Variants in STRADA observed in about 807,000 individuals in gnomAD.
The protein encoded by STRADA is STE20-related kinase adapter protein alpha.
A neutral mutation model predicts 55.0 loss-of-function variants in STRADA; 26 were observed. The ratio of observed to expected loss-of-function variants is 0.47; its 90% confidence interval spans 0.35 to 0.66. The LOEUF (loss-of-function observed/expected upper bound fraction) is 0.66. STRADA is among the 30% of genes least tolerant of loss of function. STRADA has a pLI of 0.01. For missense variants in STRADA, 443 were observed against 549.7 expected, an observed-to-expected ratio of 0.81 and a Z score of 1.94; for synonymous variants, 197 against 210.9, an observed-to-expected ratio of 0.93 and a Z score of 0.57.
In STRADA at chr17:63,726,959, T is replaced by G. The variant is rs570083858; in HGVS notation, c.37-264A>C. 3.8e-4 allele frequency: 185 copies of G among 481,168 alleles called. 1 individual carries two copies. The highest frequency in any genetic ancestry group is 2.7e-3 in the Middle Eastern group (5 of 1,842). The allele number at this position is 481,168 out of a possible 1,614,324, so 29.8% of individuals were successfully genotyped here. On this transcript the variant is annotated intron_variant, in intron 2 of 12. Coordinates refer to ENST00000336174, the MANE Select transcript of STRADA (RefSeq NM_001003787.4). ...TAGTACTGGCTGTAATAATGAAGAC[T>G]GTTTTTGCCTTCCCTATATTGGTTC...
intron 2 of STRADA, 86 bp downstream of exon 2, chr17:63,728,246 CGT>C: frequency 7.6e-7 from 1 of 1,318,308 alleles, no homozygotes; most frequent in Non-Finnish European, 1.1e-6. Context: ...CCGACCCTCA[CGT>C]AGAAAACCAC....
At position 63,710,476 on chromosome 17, in the gene STRADA, C is replaced by G; in HGVS notation, c.581+15G>C. 6.2e-7 allele frequency: 1 copy of G among 1,612,754 alleles called. No individual in the cohort carries two copies. Among genetic ancestry groups the G allele is most frequent in the Non-Finnish European group, 8.5e-7 (1 of 1,179,794 alleles). The stretch of plus-strand genomic sequence containing the variant: ...TACCCACTGTAATCATGGGAAAGGC[C>G]GCCTAAGAACGCACCTGTGTACATA... On this transcript the variant is annotated intron_variant, in intron 8 of 12. Transcript: ENST00000336174.
At chr17:63,727,460 CTTAA>C (rs1254155670) in intron 2 of STRADA, 1 of 152,106 alleles carries the variant, frequency 6.6e-6, no homozygotes, top group East Asian at 1.9e-4. Flanking sequence ...CTTTTTTCCT[CTTAA>C]TTAACAGTGA....
chr17:63,728,050 C>G, intron 2 of STRADA: 1 of 332,080 alleles, frequency 3.0e-6, no homozygotes, highest in Non-Finnish European at 5.5e-6. Context: ...TTAAAAGTAT[C>G]ATCGACTCAT....
rs2036682142 is a variant in STRADA, at chr17:63,714,009, T to C, written c.223A>G (p.Ile75Val). 3 of 1,613,496 alleles carry C rather than the reference T, an allele frequency of 1.9e-6. No homozygotes were observed. The highest frequency in any genetic ancestry group is 2.5e-6 in the Non-Finnish European group (3 of 1,179,538). The change falls in exon 5 of 13, where the codon ATA (isoleucine) becomes GTA (valine). Residue 75 changes from isoleucine (I) to valine (V), a missense_variant. Ile to Val is a conservative substitution (Grantham distance 29). Transcript: ENST00000336174. Reference protein sequence around the residue: ...EGGCYELLTVIGKGFEDLMTV... With the variant: ...EGGCYELLTVVGKGFEDLMTV... ...TAAGGACGGCCCCTGCACATACCTA[T>C]CACAGTGAGCAGCTCGTAACACCCT...
At chr17:63,721,410 A>G (rs2144061079) in intron 4 of STRADA, among the ~76,000 whole-genome samples, 1 of 84,552 alleles carries the variant, frequency 1.2e-5, no homozygotes, top group East Asian at 2.8e-4. Context: ...GTGAAGCTCC[A>G]TCTCAAAAAA....
In STRADA at chr17:63,707,495, C is replaced by T. The variant is rs934515267; in HGVS notation, c.582-77G>A. The T allele has an allele frequency of 9.2e-6, 13 of 1,411,716 alleles. No homozygotes were observed. The African/African-American group carries it at 1.3e-4, about 14-fold the overall frequency. The allele number at this position is 1,411,716 out of a possible 1,614,324, so 87.4% of individuals were successfully genotyped here. On this transcript the variant is annotated intron_variant, in intron 8 of 12. Coordinates refer to ENST00000336174, the MANE Select transcript of STRADA (RefSeq NM_001003787.4). ...AAATTTTTGGTCTTCACACACTCCA[C>T]CTGGCCAGCTCTCTCCTGTGTGCGT...
intron 6 of STRADA, among the ~76,000 whole-genome samples, chr17:63,711,376 G>A (rs534191161): frequency 5.1e-4 from 77 of 151,894 alleles, no homozygotes; most frequent in Non-Finnish European, 4.4e-4. Context: ...TTTGAGACAG[G>A]GTCTTGCTCT....
At chr17:63,714,682 G>A (rs755470742) in intron 4 of STRADA, 12 of 175,146 alleles carry the variant, frequency 6.9e-5, no homozygotes, top group Non-Finnish European at 1.5e-4. Flanking sequence ...TGCAGGCAAG[G>A]CACAGAGCTG....
intron 1 of STRADA, among the ~76,000 whole-genome samples, chr17:63,731,044 A>G (rs2038007793): frequency 6.6e-6 from 1 of 151,836 alleles, no homozygotes; most frequent in African/African-American, 2.4e-5. Context: ...CCCAGGTTCC[A>G]GCGATTCTCC....
chr17:63,711,802 G>GT (rs1233396870), intron 6 of STRADA, among the ~76,000 whole-genome samples: 1 of 152,116 alleles, frequency 6.6e-6, no homozygotes, highest in African/African-American at 2.4e-5. Context: ...GAGCATGGTG[G>GT]TGCATGCCTT....
intron 1 of STRADA, among the ~76,000 whole-genome samples, chr17:63,739,206 G>C (rs1246614527): frequency 6.6e-6 from 1 of 150,434 alleles, no homozygotes; most frequent in Non-Finnish European, 1.5e-5. Context: ...AGATGAGACT[G>C]GTATTTTTCT....
chr17:63,728,401 C>A lies in STRADA; in HGVS notation c.-32G>T. On this transcript the variant is annotated 5_prime_UTR_variant, in exon 2 of 13. Transcript: ENST00000336174. ...CTACTGTGTAGGCCTACTTCAGTTT[C>A]AAAAACTTAAACCTAAAAGGAAAAT... 6.3e-7 allele frequency: 1 copy of A among 1,582,792 alleles called. No individual in the cohort carries two copies. The highest frequency in any genetic ancestry group is 8.6e-7 in the Non-Finnish European group (1 of 1,165,596).
chr17:63,705,269 C>A, intron 10 of STRADA: 1 of 334,242 alleles, frequency 3.0e-6, no homozygotes, highest in South Asian at 3.8e-5. Context: ...AATTCAGTCC[C>A]ACAGTCTCAC....
In STRADA at chr17:63,719,592, T is replaced by C. The variant is rs150072374; in HGVS notation, c.123+3706A>G. 6.7e-3 allele frequency among the ~76,000 whole-genome samples: 1,024 copies of C among 152,082 alleles called. 10 individuals are homozygous for C. The highest frequency in any genetic ancestry group is 0.023 in the African/African-American group (940 of 41,470). ...TCCACCTCCCAGGTTCAAGTGATTC[T>C]CCTGCCCCAGCCTCCTGGGTAGCTG... On this transcript the variant is annotated intron_variant, in intron 4 of 12. Transcript: ENST00000336174.
At chr17:63,736,453 C>T (rs1227842148) in intron 1 of STRADA, among the ~76,000 whole-genome samples, 1 of 151,712 alleles carries the variant, frequency 6.6e-6, no homozygotes, top group Non-Finnish European at 1.5e-5. Flanking sequence ...CATTGCAAAA[C>T]ACTGTCTCTA....
In STRADA at chr17:63,726,670, A is replaced by T. The variant is rs781729268; in HGVS notation, c.62T>A (p.Val21Asp). ...TAGTTCCAAATCTCTTAAGCCCTCA[A>T]CAATGAACTTTTCCGAGACCCACCG... ...IRRWVSEKFI[V>D]EGLRDLELFG... Residue 21 changes from valine to aspartate, a missense_variant, in exon 3 of 13, where the codon GTT (valine) becomes GAT (aspartate). By Grantham distance (152) the Val-to-Asp change is radical. Coordinates refer to ENST00000336174, the MANE Select transcript of STRADA (RefSeq NM_001003787.4). The T allele has an allele frequency of 6.2e-7, 1 of 1,614,152 alleles. No individual in the cohort carries two copies. The highest frequency in any genetic ancestry group is 8.5e-7 in the Non-Finnish European group (1 of 1,180,002).
intron 4 of STRADA, among the ~76,000 whole-genome samples, chr17:63,722,636 A>G (rs2037389478): frequency 6.6e-6 from 1 of 152,228 alleles, no homozygotes; most frequent in Non-Finnish European, 1.5e-5. Context: ...TGCAATCTGA[A>G]CAGAGTCAGA....
chr17:63,703,965 C>T lies in STRADA; in HGVS notation c.1143+40G>A, dbSNP rs201003666. 2 of 1,360,762 alleles carry T rather than the reference C, an allele frequency of 1.5e-6. No homozygotes were observed. Among genetic ancestry groups the T allele is most frequent in the South Asian group, 2.6e-5 (2 of 77,816 alleles). The allele number at this position is 1,360,762 out of a possible 1,614,324, so 84.3% of individuals were successfully genotyped here. A position where few individuals can be genotyped will look rare whatever the true frequency, so the allele number is the denominator to read the frequency against. ...TAAAGGGATTGTGAGTTGTTAGAAC[C>T]AGAACTAGAACCAGAACCAGAACGA... On this transcript the variant is annotated intron_variant, in intron 12 of 12. Transcript: ENST00000336174.
Sources: allele counts gnomAD v4.1 joint callset (sites outside exome capture counted in the v4.1 genomes callset), GRCh38; gene constraint gnomAD v4.1.1; transcripts MANE v1.5; gene names NCBI Gene and HGNC (gene_info 2026-07-23, HGNC 2026-07-21).